ZNF536: variants seen among roughly 807,000 people sequenced by gnomAD.
The protein encoded by ZNF536 is zinc finger protein 536.
ZNF536 carries 13 observed loss-of-function variants against 84.5 expected under a neutral mutation model. The ratio of observed to expected loss-of-function variants is 0.15; its 90% CI spans 0.10 to 0.24. The LOEUF (loss-of-function observed/expected upper bound fraction) is 0.24, where lower values mean the gene tolerates loss of function less well. ZNF536 is among the 10% of genes least tolerant of loss of function. The probability of loss-of-function intolerance (pLI) is 1.00; values close to 1 mark genes in which losing one functional copy is unlikely to be tolerated. For synonymous variants in ZNF536, 811 were observed against 742.5 expected, an observed-to-expected ratio of 1.09 and a Z score of -1.50; for missense variants, 1,536 against 1,747.5, an observed-to-expected ratio of 0.88 and a Z score of 2.16.
At chr19:30,598,473 T>TA (rs2047544397) in intron 1 of ZNF536, among the ~76,000 whole-genome samples, 1 of 152,190 alleles carries the variant, frequency 6.6e-6, no homozygotes, top group Admixed American at 6.5e-5. Context: ...ACCAAATATA[T>TA]ATCATTGTCT....
chr19:30,545,093 A>T (rs2045489235), intron 3 of ZNF536, among the ~76,000 whole-genome samples: 1 of 152,216 alleles, frequency 6.6e-6, no homozygotes, highest in Non-Finnish European at 1.5e-5. Context: ...GTCCCGAAAG[A>T]TCCCGAAACC....
At chr19:30,241,212 G>T (rs2023916836) in intron 1 of ZNF536, among the ~76,000 whole-genome samples, 1 of 152,196 alleles carries the variant, frequency 6.6e-6, no homozygotes. Context: ...AAGCTCTTCA[G>T]GAGGCTGAGG....
intron 3 of ZNF536, among the ~76,000 whole-genome samples, chr19:30,360,563 T>C (rs1182040506): frequency 3.3e-5 from 5 of 152,082 alleles, no homozygotes; most frequent in Non-Finnish European, 2.9e-5. Flanking sequence ...CGCCAGGAAA[T>C]AATGAAACAC....
At chr19:30,514,113 G>A (rs2055534603) in intron 2 of ZNF536, among the ~76,000 whole-genome samples, 1 of 152,182 alleles carries the variant, frequency 6.6e-6, no homozygotes, top group African/African-American at 2.4e-5. Flanking sequence ...TGCTTTTGAA[G>A]CTGAGCAGAT....
intron 4 of ZNF536, among the ~76,000 whole-genome samples, chr19:30,549,800 T>C (rs1344875705): frequency 6.6e-6 from 1 of 152,206 alleles, no homozygotes; most frequent in Non-Finnish European, 1.5e-5. Context: ...TACTCCTGTT[T>C]GCCATCTAGA....
At chr19:30,323,375 C>T (rs527947136) in intron 2 of ZNF536, among the ~76,000 whole-genome samples, 11 of 152,192 alleles carry the variant, frequency 7.2e-5, no homozygotes, top group Admixed American at 1.3e-4. Flanking sequence ...TCCTACCTCC[C>T]GTTTGCTCCT....
chr19:30,712,698 C>G (rs1433832643), exon 2 of ZNF536: 1 of 152,176 alleles, frequency 6.6e-6, no homozygotes, highest in East Asian at 1.9e-4. Context: ...TGGCATAGAG[C>G]AAGCTGCTTT....
At chr19:30,623,040 G>GTTTTTTTTTTTTTTTTTTTTTTTT (rs778168856) in intron 1 of ZNF536, among the ~76,000 whole-genome samples, 2 of 99,286 alleles carry the variant, frequency 2.0e-5, no homozygotes, top group African/African-American at 7.4e-5. Context: ...TTGTTTTTTT[G>GTTTTTTTTTTTTTTTTTTTTTTTT]TTTTTTTGTT....
chr19:30,491,620 A>T (rs2054511995), intron 2 of ZNF536, among the ~76,000 whole-genome samples: 1 of 152,182 alleles, frequency 6.6e-6, no homozygotes, highest in African/African-American at 2.4e-5. Flanking sequence ...TTTTTCATTT[A>T]AAAATGGGGG....
intron 1 of ZNF536, among the ~76,000 whole-genome samples, chr19:30,257,306 G>A (rs929997560): frequency 2.0e-5 from 3 of 152,114 alleles, no homozygotes; most frequent in Admixed American, 1.3e-4. Context: ...ACTGCAAGAG[G>A]GCTATTTTAA....
At chr19:30,396,139 T>TA (rs979399304) in intron 1 of ZNF536, among the ~76,000 whole-genome samples, 47 of 152,088 alleles carry the variant, frequency 3.1e-4, no homozygotes, top group Middle Eastern at 3.4e-3. Flanking sequence ...CATTATGTTG[T>TA]AAAAAAAATG....
Position 30,366,393 on chromosome 19 carries a change from T to TATCTATCTATC in ZNF536, c.-3+13915_-3+13916insCTATCATCTAT, listed in dbSNP as rs1214548473. Among the ~76,000 whole-genome samples, 3 of 151,840 alleles carry TATCTATCTATC rather than the reference T, an allele frequency of 2.0e-5. No homozygotes were observed. In the East Asian group the frequency reaches 5.8e-4, roughly 29 times the overall value. ...CTATCTATCTATCTATCTATCTATCTATCTATATCTATCTCCTTCCTTCCT... is the reference window on the plus strand; with the variant it reads ...CTATCTATCTATCTATCTATCTATCTATCTATCTATCATCTATATCTATCTCCTTCCTTCCT... On this transcript the variant is annotated intron_variant, in intron 3 of 5. Transcript: ENST00000585628.
chr19:30,399,597 G>T (rs2049960802), intron 1 of ZNF536, among the ~76,000 whole-genome samples: 2 of 151,494 alleles, frequency 1.3e-5, no homozygotes, highest in Non-Finnish European at 2.9e-5. Flanking sequence ...TTTGTATAAG[G>T]TATAAGGAAG....
At chr19:30,239,500 A>G (rs1457755706) in intron 1 of ZNF536, among the ~76,000 whole-genome samples, 2 of 152,202 alleles carry the variant, frequency 1.3e-5, no homozygotes, top group Non-Finnish European at 1.5e-5. Flanking sequence ...GTTTCCTAGA[A>G]CAGACATGGC....
chr19:30,237,047 T>TG (rs199523967), intron 1 of ZNF536, among the ~76,000 whole-genome samples: 3,329 of 151,652 alleles, frequency 0.022, 59 homozygotes, highest in Non-Finnish European at 0.029. Context: ...TGTGAGATTT[T>TG]TTTTTTTTTC....
At chr19:30,713,469 T>C (rs185956975) in exon 2 of ZNF536, 2 of 152,334 alleles carry the variant, frequency 1.3e-5, no homozygotes, top group East Asian at 1.9e-4. Context: ...TTGGTCATTA[T>C]TTATTATTAT....
intron 2 of ZNF536, among the ~76,000 whole-genome samples, chr19:30,510,763 C>T (rs181323601): frequency 6.6e-6 from 1 of 152,348 alleles, no homozygotes; most frequent in East Asian, 1.9e-4. Context: ...GATATGTTCC[C>T]ACTGTAGTTA....
chr19:30,441,879 G>A (rs531889214), intron 1 of ZNF536, among the ~76,000 whole-genome samples: 24 of 152,308 alleles, frequency 1.6e-4, no homozygotes, highest in African/African-American at 5.5e-4. Flanking sequence ...AAGGAAGTCA[G>A]GTCTCCCATT....
At chr19:30,280,099 C>A (rs879838957) in intron 1 of ZNF536, among the ~76,000 whole-genome samples, 2 of 152,088 alleles carry the variant, frequency 1.3e-5, no homozygotes, top group Non-Finnish European at 2.9e-5. Flanking sequence ...CACCTTTCCT[C>A]CCAACCATCC....
Sources: gnomAD v4.1 joint callset for allele counts (sites outside exome capture counted in the v4.1 genomes callset) on GRCh38, gnomAD v4.1.1 for gene constraint, MANE v1.5 for transcripts, NCBI Gene and HGNC (gene_info 2026-07-23, HGNC 2026-07-21) for gene names.